Variants in CES5A observed in about 807,000 individuals in gnomAD.
CES5A encodes the protein carboxylesterase 5A.
CES5A carries 67 observed loss-of-function variants against 62.9 expected under a neutral mutation model. The ratio of observed to expected loss-of-function variants is 1.07; its 90% CI spans 0.88 to 1.31. The LOEUF is 1.31. Among genes scored for constraint, CES5A ranks in the 50% most tolerant of loss-of-function variants. The pLI, the probability that CES5A is intolerant of heterozygous loss-of-function variation, is 0.00. For missense variants in CES5A, 748 were observed against 708.5 expected (o/e 1.06, Z -0.63); for synonymous variants, 296 against 280.8 (o/e 1.05, Z -0.54).
chr16:55,883,171 C>T (rs1419793536), intron 1 of CES5A, among the ~76,000 whole-genome samples: 3 of 152,224 alleles, frequency 2.0e-5, no homozygotes, highest in Non-Finnish European at 2.9e-5. Context: ...AGTCTACAGT[C>T]ATTCTCCAGG....
At position 55,847,100 on chromosome 16, in the gene CES5A, G is replaced by C. The variant is rs1412457487; in HGVS notation, c.1424-260C>G. The stretch of plus-strand genomic sequence containing the variant: ...CCCGTGTTCCTGCAGCCAGTCCCAT[G>C]AGGCTGCAGGTTCCCTGGGGACACA... On this transcript the variant is annotated intron_variant, in intron 11 of 12. Coordinates refer to ENST00000290567, the MANE Select transcript of CES5A (RefSeq NM_001143685.2). Among the ~76,000 whole-genome samples the C allele has an allele frequency of 2.0e-5, 3 of 152,150 alleles. No individual in the cohort carries two copies. The East Asian group carries it at 5.8e-4, about 29-fold the overall frequency.
intron 7 of CES5A, 152 bp from the exon 8 acceptor site, chr16:55,859,839 C>G (rs550938623): frequency 4.7e-6 from 3 of 641,988 alleles, no homozygotes; most frequent in Non-Finnish European, 8.0e-6. Flanking sequence ...ATGGGCCCAG[C>G]TCAATATATC....
intron 1 of CES5A, among the ~76,000 whole-genome samples, chr16:55,898,934 G>A (rs1213970829): frequency 6.6e-6 from 1 of 152,168 alleles, no homozygotes; most frequent in East Asian, 1.9e-4. Flanking sequence ...AAGTCTTGGT[G>A]GTTACATTCT....
rs754334731 is a variant in CES5A at position 55,849,703 on chromosome 16, A to AGCCG, written c.1343_1344insCGGC (p.Phe449GlyfsTer9). 4 of 1,613,962 alleles carry AGCCG rather than the reference A, an allele frequency of 2.5e-6. No homozygotes were observed. In the Admixed American group the frequency reaches 6.7e-5, roughly 27 times the overall value. On this transcript the variant is annotated frameshift_variant, in exon 11 of 13. Transcript: ENST00000290567. LOFTEE classifies it high-confidence loss of function. ...CATCAGCGTGGTCGGCTTTGACAAAAGCTGGCTTCGTGTCTTCAAAGCACT... is the reference window on the plus strand; with the variant it reads ...CATCAGCGTGGTCGGCTTTGACAAAAGCCGGCTGGCTTCGTGTCTTCAAAGCACT...
At chr16:55,866,618 C>G (rs578249036) in intron 4 of CES5A, among the ~76,000 whole-genome samples, 4 of 140,442 alleles carry the variant, frequency 2.8e-5, no homozygotes, top group Non-Finnish European at 6.0e-5. Context: ...GTCAGGAGAT[C>G]GAGACCATCC....
chr16:55,896,679 A>C (rs1000979689), intron 1 of CES5A, among the ~76,000 whole-genome samples: 2 of 152,168 alleles, frequency 1.3e-5, no homozygotes, highest in Non-Finnish European at 2.9e-5. Context: ...TCTCCATATA[A>C]ATGGTAGAGG....
chr16:55,930,351 G>A (rs1214395538), upstream of CES5A, among the ~76,000 whole-genome samples: 2 of 152,112 alleles, frequency 1.3e-5, no homozygotes. Flanking sequence ...CCTTTGCCCT[G>A]TCTCTCCGAA....
rs772366713 is a variant in CES5A, at chr16:55,846,420, A to G, written c.*31T>C. 6.4e-7 allele frequency: 1 copy of G among 1,568,398 alleles called. No individual in the cohort carries two copies. Among genetic ancestry groups the G allele is most frequent in the East Asian group, 2.2e-5 (1 of 44,624 alleles). ...TTGCGGGAGAAATTATGGGAGGAGA[A>G]GGGAAACCAAAATCACAGAAAGATA... On this transcript the variant is annotated 3_prime_UTR_variant, in exon 13 of 13. Transcript: ENST00000290567.
At chr16:55,903,405 A>T (rs1251038946) in intron 1 of CES5A, among the ~76,000 whole-genome samples, 2 of 152,224 alleles carry the variant, frequency 1.3e-5, no homozygotes, top group African/African-American at 4.8e-5. Flanking sequence ...TTGAGTACAG[A>T]ATATTGTCAC....
At chr16:55,878,072 G>A (rs1187213379), upstream of CES5A, among the ~76,000 whole-genome samples, 1 of 152,110 alleles carries the variant, frequency 6.6e-6, no homozygotes, top group Non-Finnish European at 1.5e-5. Flanking sequence ...GGCCTGGATG[G>A]CCCCTGGGAG....
intron 3 of CES5A, among the ~76,000 whole-genome samples, chr16:55,870,423 G>C (rs1388281194): frequency 6.6e-6 from 1 of 152,150 alleles, no homozygotes; most frequent in African/African-American, 2.4e-5. Context: ...GGAAGGGTCA[G>C]GCACAGTGGC....
At chr16:55,864,866 C>T (rs1430036734) in intron 5 of CES5A, among the ~76,000 whole-genome samples, 1 of 150,808 alleles carries the variant, frequency 6.6e-6, no homozygotes, top group African/African-American at 2.4e-5. Context: ...TATGATCGCC[C>T]CACTGCTTGC....
At chr16:55,889,641 A>G (rs558714066) in intron 1 of CES5A, among the ~76,000 whole-genome samples, 2 of 151,522 alleles carry the variant, frequency 1.3e-5, no homozygotes, top group Non-Finnish European at 2.9e-5. Context: ...GCTATCCAGA[A>G]GCTCTCCCAA....
At chr16:55,889,659 C>T (rs115554853) in intron 1 of CES5A, among the ~76,000 whole-genome samples, 1,792 of 145,540 alleles carry the variant, frequency 0.012, 49 homozygotes, top group African/African-American at 0.042. Flanking sequence ...CAACCCAGTC[C>T]TTTTTTTTTT....
chr16:55,872,258 C>A (rs1443594346), intron 2 of CES5A, among the ~76,000 whole-genome samples: 1 of 152,242 alleles, frequency 6.6e-6, no homozygotes, highest in Non-Finnish European at 1.5e-5. Context: ...CCAGGCTTTG[C>A]TCAAGCCGGG....
chr16:55,928,772 T>C (rs1266038295), upstream of CES5A, among the ~76,000 whole-genome samples: 5 of 152,226 alleles, frequency 3.3e-5, no homozygotes, highest in Non-Finnish European at 5.9e-5. Context: ...GTCTATGGTG[T>C]TGGCTGTTGA....
chr16:55,928,010 G>A (rs1027859769), upstream of CES5A, among the ~76,000 whole-genome samples: 17 of 152,188 alleles, frequency 1.1e-4, no homozygotes, highest in African/African-American at 1.7e-4. Context: ...TTGGGAGGCC[G>A]AGGCGGATGG....
Position 55,913,428 on chromosome 16 carries a change from C to T in CES5A, c.-256+11895G>A, listed in dbSNP as rs570794745. ...AGGTTCAGGCTCTTGGAGCCAGAGG[C>T]TGCATGACCCCTGAACTGTAATTTG... is the stretch of plus-strand genomic sequence containing the variant. On this transcript the variant is annotated intron_variant, in intron 1 of 12. Transcript: ENST00000518005. Among the ~76,000 whole-genome samples, 247 of 152,266 alleles carry T rather than the reference C, an allele frequency of 1.6e-3. 1 individual carries two copies. The highest frequency in any genetic ancestry group is 5.7e-3 in the African/African-American group (238 of 41,546).
intron 2 of CES5A, among the ~76,000 whole-genome samples, chr16:55,943,440 TTTCAACGTGTTATCCCTTTCTC>T (rs1397593745): frequency 6.6e-6 from 1 of 152,190 alleles, no homozygotes; most frequent in African/African-American, 2.4e-5. Flanking sequence ...ATGCCTTGTT[TTTCAACGTGTTATCCCTTTCTC>T]TCTGGCATTA....
Sources: allele counts gnomAD v4.1 joint callset (sites outside exome capture counted in the v4.1 genomes callset), GRCh38; gene constraint gnomAD v4.1.1; transcripts MANE v1.5; gene names NCBI Gene and HGNC (gene_info 2026-07-23, HGNC 2026-07-21).